Variants in DOCK2 observed in about 807,000 individuals in gnomAD.
DOCK2 encodes dedicator of cytokinesis protein 2.
A neutral mutation model predicts 248.9 loss-of-function variants in DOCK2; 87 were observed. The observed-to-expected ratio is 0.35, with a 90% confidence interval of 0.29 to 0.42. The LOEUF is 0.42. DOCK2 is among the 10% of genes least tolerant of loss of function. DOCK2 has a pLI of 1.00. For synonymous variants in DOCK2, 805 were observed against 821.6 expected (o/e 0.98, Z 0.35); for missense variants, 1,747 against 2,300.2 (o/e 0.76, Z 4.92).
At chr5:169,708,721 C>T (rs1761418283) in intron 15 of DOCK2, among the ~76,000 whole-genome samples, 2 of 152,116 alleles carry the variant, frequency 1.3e-5, no homozygotes, top group South Asian at 2.1e-4. Context: ...TGTGCCACCA[C>T]ACCAGGCTAA....
intron 27 of DOCK2, among the ~76,000 whole-genome samples, chr5:169,855,083 G>A (rs781150882): frequency 6.6e-6 from 1 of 152,196 alleles, no homozygotes; most frequent in Admixed American, 6.5e-5. Flanking sequence ...TCCTACCTGT[G>A]TACTCTGACA....
chr5:170,009,744 C>CAGCA (rs897224482), intron 32 of DOCK2, among the ~76,000 whole-genome samples: 50 of 152,298 alleles, frequency 3.3e-4, no homozygotes, highest in African/African-American at 9.9e-4. Flanking sequence ...GTTTTTTAGG[C>CAGCA]AGCAGTTGCA....
intron 32 of DOCK2, among the ~76,000 whole-genome samples, chr5:170,012,353 G>T (rs188301414): frequency 6.6e-6 from 1 of 152,108 alleles, no homozygotes; most frequent in East Asian, 1.9e-4. Flanking sequence ...TTTTTTCAAA[G>T]ATGACTGATA....
At chr5:169,663,431 C>T (rs1278611955) in intron 2 of DOCK2, among the ~76,000 whole-genome samples, 5 of 152,226 alleles carry the variant, frequency 3.3e-5, no homozygotes, top group Non-Finnish European at 7.3e-5. Context: ...TCACGGGGGA[C>T]TCTGTGTGGG....
Position 169,841,779 on chromosome 5 carries a change from G to A in DOCK2, c.2799+927G>A, listed in dbSNP as rs532094709. Among the ~76,000 whole-genome samples, 150 of 152,042 alleles carry A rather than the reference G, an allele frequency of 9.9e-4. 3 individuals are homozygous for A. In the South Asian group the frequency reaches 0.027, roughly 27 times the overall value. ...CTTACTTCTTTATTTTTCTAATTAC[G>A]TATAATCGGAAATATACATTATCTT... is the stretch of plus-strand genomic sequence containing the variant. On this transcript the variant is annotated intron_variant, in intron 27 of 51. Transcript: ENST00000520908.
At chr5:170,071,748 A>G (rs1454773887) in intron 46 of DOCK2, among the ~76,000 whole-genome samples, 2 of 152,170 alleles carry the variant, frequency 1.3e-5, no homozygotes, top group African/African-American at 4.8e-5. Context: ...TTCTGTTTTT[A>G]TAGTAATCAT....
chr5:169,835,759 A>AT (rs1259312022), intron 26 of DOCK2, among the ~76,000 whole-genome samples: 55 of 146,206 alleles, frequency 3.8e-4, no homozygotes, highest in African/African-American at 8.3e-4. Context: ...GGGGGTTTGG[A>AT]TTTTTTTTTT....
chr5:170,045,120 A>G (rs1009019752), intron 38 of DOCK2, among the ~76,000 whole-genome samples: 1 of 152,024 alleles, frequency 6.6e-6, no homozygotes, highest in Non-Finnish European at 1.5e-5. Flanking sequence ...ATATTCTAGC[A>G]CCACCCCTTC....
chr5:169,758,826 C>T (rs909607760), intron 23 of DOCK2, among the ~76,000 whole-genome samples: 3 of 152,150 alleles, frequency 2.0e-5, no homozygotes, highest in Non-Finnish European at 2.9e-5. Flanking sequence ...TTGTATATGG[C>T]TAGGAGGAAG....
chr5:169,860,264 T>C (rs1471990355), intron 27 of DOCK2, among the ~76,000 whole-genome samples: 1 of 152,106 alleles, frequency 6.6e-6, no homozygotes, highest in African/African-American at 2.4e-5. Context: ...CCACAGAAAG[T>C]GTTCTTCCCT....
At chr5:169,827,964 T>C (rs1768977934) in intron 26 of DOCK2, among the ~76,000 whole-genome samples, 1 of 152,138 alleles carries the variant, frequency 6.6e-6, no homozygotes, top group African/African-American at 2.4e-5. Flanking sequence ...AGTGAGTCCA[T>C]ATTTCCCAAG....
chr5:169,654,040 G>C (rs1374634826), intron 1 of DOCK2, among the ~76,000 whole-genome samples: 1 of 152,198 alleles, frequency 6.6e-6, no homozygotes, highest in Non-Finnish European at 1.5e-5. Context: ...CCACACTTCA[G>C]GTGCTTAGTA....
chr5:170,078,680 A>G (rs1757924655), intron 48 of DOCK2, among the ~76,000 whole-genome samples: 1 of 152,196 alleles, frequency 6.6e-6, no homozygotes, highest in African/African-American at 2.4e-5. Flanking sequence ...TTGAATCCAC[A>G]TTCATGCTTT....
intron 27 of DOCK2, among the ~76,000 whole-genome samples, chr5:169,851,030 A>G (rs900716089): frequency 2.6e-5 from 4 of 152,196 alleles, no homozygotes; most frequent in Admixed American, 2.0e-4. Context: ...CTCTTTACCT[A>G]TCTGTGCTCC....
chr5:169,749,797 C>T (rs1035568886), intron 23 of DOCK2, among the ~76,000 whole-genome samples: 1 of 152,204 alleles, frequency 6.6e-6, no homozygotes, highest in Non-Finnish European at 1.5e-5. Flanking sequence ...TCCCTTACCC[C>T]CTCCTGGTTA....
intron 22 of DOCK2, among the ~76,000 whole-genome samples, chr5:169,721,042 T>TA (rs149181265): frequency 0.022 from 3,394 of 152,348 alleles, 131 homozygotes; most frequent in African/African-American, 0.077. Flanking sequence ...TCTCATGTCT[T>TA]ACGTCTGTTA....
Position 170,079,147 on chromosome 5 carries a change from G to A in DOCK2, c.5166+1G>A. 2 of 1,612,964 alleles carry A rather than the reference G, an allele frequency of 1.2e-6. No individual in the cohort carries two copies. The highest frequency in any genetic ancestry group is 1.7e-6 in the Non-Finnish European group (2 of 1,179,846). ...AGCTGCAGAGTCGGACCTGAAGCGG[G>A]TGAGTGGCTGAGGCAGATTGCCTCT... is the stretch of plus-strand genomic sequence containing the variant. On this transcript the variant is annotated splice_donor_variant, in intron 49 of 51. Transcript: ENST00000520908. LOFTEE classifies it high-confidence loss of function.
intron 26 of DOCK2, among the ~76,000 whole-genome samples, chr5:169,835,917 G>T (rs1769549432): frequency 6.6e-6 from 1 of 151,994 alleles, no homozygotes; most frequent in Non-Finnish European, 1.5e-5. Flanking sequence ...ACCATGCCAG[G>T]CTAATTTTTG....
chr5:169,708,298 T>C, intron 15 of DOCK2, 31 bp downstream of exon 15: 1 of 1,593,326 alleles, frequency 6.3e-7, no homozygotes, highest in Non-Finnish European at 8.6e-7. Context: ...CAAACACATG[T>C]CTAGTTCTTA....
Sources: gnomAD v4.1 joint callset for allele counts (sites outside exome capture counted in the v4.1 genomes callset) on GRCh38, gnomAD v4.1.1 for gene constraint, MANE v1.5 for transcripts, NCBI Gene and HGNC (gene_info 2026-07-23, HGNC 2026-07-21) for gene names.